The following INSR variants were observed in gnomAD, a reference collection of about 807,000 sequenced individuals.
INSR encodes IR.
A neutral mutation model predicts 142.6 loss-of-function variants in INSR; 67 were observed. The observed-to-expected ratio is 0.47, with a 90% CI of 0.39 to 0.58. The LOEUF (loss-of-function observed/expected upper bound fraction) is 0.58, where lower values mean the gene tolerates loss of function less well. Among genes scored for constraint, INSR ranks in the 20% least tolerant of loss-of-function variants. The pLI, the probability that INSR is intolerant of heterozygous loss-of-function variation, is 0.00. For synonymous variants in INSR, 756 were observed against 743.1 expected, an observed-to-expected ratio of 1.02 and a Z score of -0.28; for missense variants, 1,248 against 1,833.2, an observed-to-expected ratio of 0.68 and a Z score of 5.83.
At chr19:7,149,490 G>A (rs1973268664) in intron 11 of INSR, among the ~76,000 whole-genome samples, 1 of 151,910 alleles carries the variant, frequency 6.6e-6, no homozygotes, top group Admixed American at 6.6e-5. Context: ...TCTCTCCCAG[G>A]ACCATACTGC....
chr19:7,162,324 C>A (rs1380457115), intron 9 of INSR, among the ~76,000 whole-genome samples: 6 of 103,422 alleles, frequency 5.8e-5, no homozygotes, highest in African/African-American at 2.6e-4. Context: ...GAGACCCTGT[C>A]TCAAAAAAAA....
At chr19:7,283,628 C>T (rs993825127) in intron 1 of INSR, among the ~76,000 whole-genome samples, 5 of 152,066 alleles carry the variant, frequency 3.3e-5, no homozygotes, top group African/African-American at 4.8e-5. Context: ...TTAGTAGAGA[C>T]GGGGTTTCAC....
At chr19:7,210,876 C>T (rs1013690783) in intron 2 of INSR, among the ~76,000 whole-genome samples, 2 of 151,912 alleles carry the variant, frequency 1.3e-5, no homozygotes, top group African/African-American at 2.4e-5. Context: ...ATTACAGCCA[C>T]CCACCACCAT....
intron 9 of INSR, among the ~76,000 whole-genome samples, chr19:7,162,502 C>T (rs539800806): frequency 6.0e-4 from 68 of 113,306 alleles, no homozygotes; most frequent in African/African-American, 2.5e-3. Flanking sequence ...CAGAGTAAGA[C>T]CCTGTCTCAA....
intron 1 of INSR, among the ~76,000 whole-genome samples, chr19:7,269,376 AACACACACACACACAC>A (rs60776874): frequency 0.027 from 3,636 of 134,764 alleles, 86 homozygotes; most frequent in African/African-American, 0.061. Context: ...AAGTCGAGAA[AACACACACACACACAC>A]ACACACACAC....
At chr19:7,141,653 A>G (rs751978911) in intron 13 of INSR, 24 bp downstream of exon 13, 2 of 1,614,000 alleles carry the variant, frequency 1.2e-6, no homozygotes, top group South Asian at 2.2e-5. Context: ...GTGCAGGGGC[A>G]TGCCCAAGAG....
rs564153609 is a variant in INSR, at chr19:7,135,015, A to G, written c.2683-2698T>C. Among the ~76,000 whole-genome samples, 47 of 149,332 alleles carry G rather than the reference A, an allele frequency of 3.1e-4. 1 individual carries two copies. The highest frequency in any genetic ancestry group is 1.2e-3 in the African/African-American group (47 of 40,730). On this transcript the variant is annotated intron_variant, in intron 13 of 21. Coordinates refer to ENST00000302850, the MANE Select transcript of INSR (RefSeq NM_000208.4). ...CTGAAAAGTTTTCGACACAGTTCCA[A>G]GCTAATAGTGCATGCAGAGAACCGG...
chr19:7,270,671 T>A (rs1403573724), intron 1 of INSR, among the ~76,000 whole-genome samples: 1 of 151,916 alleles, frequency 6.6e-6, no homozygotes, highest in East Asian at 1.9e-4. Context: ...GACAGGAGGA[T>A]CACTTGGGTC....
At chr19:7,264,975 A>T (rs1339003904) in intron 2 of INSR, among the ~76,000 whole-genome samples, 1 of 152,052 alleles carries the variant, frequency 6.6e-6, no homozygotes, top group Non-Finnish European at 1.5e-5. Context: ...TTAAGGACTC[A>T]CTCACTCTGG....
intron 2 of INSR, among the ~76,000 whole-genome samples, chr19:7,206,557 C>T (rs1453828314): frequency 3.3e-5 from 5 of 152,230 alleles, no homozygotes; most frequent in Admixed American, 6.5e-5. Flanking sequence ...GAGCGTGAAC[C>T]CTATTGTGAA....
intron 2 of INSR, among the ~76,000 whole-genome samples, chr19:7,185,859 AGAGAG>A (rs1974415283): frequency 3.9e-5 from 5 of 128,590 alleles, no homozygotes; most frequent in African/African-American, 1.0e-4. Flanking sequence ...AAAAAAAAAA[AGAGAG>A]AGAGAGACAA....
rs190840980 is a variant in INSR at position 7,152,068 on chromosome 19, A to C, written c.2231+658T>G. On this transcript the variant is annotated intron_variant, in intron 10 of 21. Coordinates refer to ENST00000302850, the MANE Select transcript of INSR (RefSeq NM_000208.4). ...CGGCTTCCCAACTAGCTGGGACCACAGGCTTACACCACTGCGCTCAGCTAA... is the reference window on the plus strand; with the variant it reads ...CGGCTTCCCAACTAGCTGGGACCACCGGCTTACACCACTGCGCTCAGCTAA... The C allele has an allele frequency of 2.5e-3, 373 of 152,200 alleles. 4 individuals carry two copies. Among genetic ancestry groups the C allele is most frequent in the East Asian group, 9.7e-3 (50 of 5,160 alleles). 9.4% of individuals were successfully genotyped at this position (152,200 alleles called of 1,614,324 possible).
At chr19:7,256,201 G>T (rs1449302943) in intron 2 of INSR, among the ~76,000 whole-genome samples, 1 of 152,134 alleles carries the variant, frequency 6.6e-6, no homozygotes, top group East Asian at 1.9e-4. Context: ...GCTTTGGGAG[G>T]CCAAAGTGGG....
At position 7,185,859 on chromosome 19, in the gene INSR, AG is replaced by A. The variant is rs1458070937; in HGVS notation, c.653-1223del. Among the ~76,000 whole-genome samples the A allele has an allele frequency of 4.3e-3, 554 of 128,536 alleles. 18 individuals are homozygous for A. The highest frequency in any genetic ancestry group is 0.018 in the African/African-American group (517 of 29,480). The allele number at this position is 128,536 out of a possible 152,430, so 84.3% of individuals were successfully genotyped here. A position where few individuals can be genotyped will look rare whatever the true frequency, so the allele number is the denominator to read the frequency against. ...ATTCTGTCAAAAAAAAAAAAAAAAA[AG>A]AGAGAGAGAGACAAAGAGAGAGAGA... On this transcript the variant is annotated intron_variant, in intron 2 of 21. Transcript: ENST00000302850.
intron 2 of INSR, among the ~76,000 whole-genome samples, chr19:7,249,477 T>C (rs1311207331): frequency 1.3e-5 from 2 of 152,130 alleles, no homozygotes; most frequent in Non-Finnish European, 2.9e-5. Flanking sequence ...GTCGGCACCG[T>C]TTTACCGCAG....
At chr19:7,220,206 C>A (rs578012760) in intron 2 of INSR, among the ~76,000 whole-genome samples, 1 of 152,322 alleles carries the variant, frequency 6.6e-6, no homozygotes, top group African/African-American at 2.4e-5. Flanking sequence ...GCTGAGTAGG[C>A]AAATCTGAAT....
At position 7,166,873 on chromosome 19, in the gene INSR, C is replaced by T. The variant is rs995437541; in HGVS notation, c.1611-469G>A. Among the ~76,000 whole-genome samples, 6 of 151,758 alleles carry T rather than the reference C, an allele frequency of 4.0e-5. No homozygotes were observed. Among genetic ancestry groups the T allele is most frequent in the African/African-American group, 9.7e-5 (4 of 41,288 alleles). On this transcript the variant is annotated intron_variant, in intron 7 of 21. Transcript: ENST00000302850. The surrounding 1 kb of genome is among the most constrained non-coding windows in gnomAD (Gnocchi z 4.1). Reference sequence around the variant, plus strand: ...AGGCAGAGGTAGCATCAGCTGAGATCGCACCACTGCACTCCAGCCTGGGCG... The same window carrying T: ...AGGCAGAGGTAGCATCAGCTGAGATTGCACCACTGCACTCCAGCCTGGGCG...
intron 3 of INSR, among the ~76,000 whole-genome samples, chr19:7,176,074 C>A (rs1974128660): frequency 6.6e-6 from 1 of 152,282 alleles, no homozygotes; most frequent in Middle Eastern, 3.4e-3. Flanking sequence ...GAGGCAGGAC[C>A]ATGATCTACC....
chr19:7,208,809 T>G (rs1312419332), intron 2 of INSR, among the ~76,000 whole-genome samples: 1 of 42,848 alleles, frequency 2.3e-5, no homozygotes, highest in Non-Finnish European at 4.3e-5. Flanking sequence ...ATCGAGACCA[T>G]CCTGGCCAAC....
Sources: gnomAD v4.1 joint callset for allele counts (sites outside exome capture counted in the v4.1 genomes callset) on GRCh38, gnomAD v4.1.1 for gene constraint, Gnocchi (gnomAD v3.1) non-coding constraint, MANE v1.5 for transcripts, NCBI Gene and HGNC (gene_info 2026-07-23, HGNC 2026-07-21) for gene names.